The following UBN1 variants were observed in gnomAD, a reference collection of about 807,000 sequenced individuals.
UBN1 encodes ubinuclein-1.
Under a neutral mutation model 108.5 loss-of-function variants are expected in UBN1, and 17 were observed. That is an observed-to-expected ratio of 0.16 (90% CI 0.11 to 0.24). UBN1 has a LOEUF of 0.24. UBN1 is among the 10% of genes least tolerant of loss of function. UBN1 has a pLI of 1.00. For synonymous variants in UBN1, 726 were observed against 564.2 expected (o/e 1.29, Z -4.07); for missense variants, 1,595 against 1,394.4 (o/e 1.14, Z -2.29).
chr16:4,868,755 A>T, intron 7 of UBN1, 78 bp from the exon 8 acceptor site: 2 of 1,409,462 alleles, frequency 1.4e-6, no homozygotes, highest in South Asian at 1.2e-5. Context: ...TGGAGCGATG[A>T]CTCCTGTGCC....
chr16:4,858,734 C>G (rs2086919056), intron 4 of UBN1, 71 bp downstream of exon 4: 10 of 1,488,628 alleles, frequency 6.7e-6, no homozygotes, highest in Middle Eastern at 1.7e-4. Flanking sequence ...GACCAGGAAG[C>G]TGGGGGTGGG....
At position 4,870,385 on chromosome 16, in the gene UBN1, C is replaced by G. The variant is rs375677480; in HGVS notation, c.1311+44C>G. On this transcript the variant is annotated intron_variant, in intron 9 of 17. Coordinates refer to ENST00000262376, the MANE Select transcript of UBN1 (RefSeq NM_001079514.3). ...AAGCCCTTTGGCTTTGGGGTCCTGG[C>G]GGAGGGGTGACTGAGTCTTAAGCAA... 1.2e-4 allele frequency: 198 copies of G among 1,611,516 alleles called. No individual in the cohort carries two copies. In the Middle Eastern group the frequency reaches 1.6e-3, roughly 13 times the overall value.
In UBN1 at chr16:4,860,941, G is replaced by C. The variant is rs2087029870; in HGVS notation, c.949G>C (p.Glu317Gln). ...GGACTCGCTGACGGATTTGGACTTG[G>C]AGCATCTGCTCAGTGAGTCTCCAGA... ...AMDSLTDLDLEHLLSESPEGS... is the reference protein window; with the variant it reads ...AMDSLTDLDLQHLLSESPEGS... The change falls in exon 7 of 18, where the codon GAG becomes CAG. Residue 317 changes from glutamate (E) to glutamine (Q), a missense_variant. Physicochemically the swap from Glu to Gln is conservative, Grantham distance 29 (BLOSUM62 2). Around this residue, in one of 3 missense-constraint regions of UBN1, gnomAD observed 1,398 missense variants for 1,194.7 expected, o/e 1.17. Transcript: ENST00000262376. 6.2e-7 allele frequency: 1 copy of C among 1,614,138 alleles called. No individual in the cohort carries two copies. Among genetic ancestry groups the C allele is most frequent in the East Asian group, 2.2e-5 (1 of 44,896 alleles).
rs555259554 is a variant in UBN1, at chr16:4,849,732, AC to A, written c.-40+1523del. Reference sequence around the variant, plus strand: ...CTCAGCCTCCTTAGTAGCCAAGACTACAGGGGTGTGCCACCATACCTGGCTA... The same window carrying A: ...CTCAGCCTCCTTAGTAGCCAAGACTAAGGGGTGTGCCACCATACCTGGCTA... On this transcript the variant is annotated intron_variant, in intron 1 of 17. Coordinates refer to ENST00000262376, the MANE Select transcript of UBN1 (RefSeq NM_001079514.3). 2.2e-3 allele frequency among the ~76,000 whole-genome samples: 328 copies of A among 151,894 alleles called. 2 individuals are homozygous for A. The highest frequency in any genetic ancestry group is 7.6e-3 in the African/African-American group (313 of 41,398).
rs536893570 is a variant in UBN1, at chr16:4,854,645, C to T, written c.249+1479C>T. Among the ~76,000 whole-genome samples, 5 of 151,686 alleles carry T rather than the reference C, an allele frequency of 3.3e-5. No homozygotes were observed. The East Asian group carries it at 5.8e-4, about 18-fold the overall frequency. On this transcript the variant is annotated intron_variant, in intron 2 of 17. Coordinates refer to ENST00000262376, the MANE Select transcript of UBN1 (RefSeq NM_001079514.3). ...CCTCCCAAAGTGTTAGGATTATAGG[C>T]GTGAGTCACCGCACCTGGCCGTGTT...
Position 4,875,443 on chromosome 16 carries a change from C to T in UBN1, c.3024+9C>T, listed in dbSNP as rs1455015444. On this transcript the variant is annotated intron_variant, in intron 15 of 17. Transcript: ENST00000262376. ...CGTCTACCTCCTTGTCAGTGAGTAT[C>T]TGTCATAGCAGCCTGCCCTGCCCCA... 2.5e-6 allele frequency: 4 copies of T among 1,601,148 alleles called. No homozygotes were observed. Among genetic ancestry groups the T allele is most frequent in the Non-Finnish European group, 3.4e-6 (4 of 1,171,780 alleles).
chr16:4,856,850 A>ATATC (rs1283028947), intron 2 of UBN1, among the ~76,000 whole-genome samples: 2 of 152,234 alleles, frequency 1.3e-5, no homozygotes. Context: ...TGATCGTTAG[A>ATATC]TGTATGCTCT....
chr16:4,877,917 C>T lies in UBN1; in HGVS notation c.3355+443C>T. On this transcript the variant is annotated intron_variant, in intron 17 of 17. Transcript: ENST00000262376. This position sits in a 1 kb window ranked among gnomAD's most constrained non-coding sequence, Gnocchi z 4.3. ...ATGTGATTGCTTAACAGAAGGCTCT[C>T]TAAACTTTGTTTCCATTAAAGGGAA... The T allele has an allele frequency of 1.2e-6, 1 of 860,200 alleles. No homozygotes were observed. Among genetic ancestry groups the T allele is most frequent in the Non-Finnish European group, 1.4e-6 (1 of 715,482 alleles). 53.3% of individuals were successfully genotyped at this position (860,200 alleles called of 1,614,324 possible).
intron 2 of UBN1, among the ~76,000 whole-genome samples, chr16:4,854,727 C>G (rs1284199480): frequency 6.8e-6 from 1 of 147,456 alleles, no homozygotes; most frequent in Non-Finnish European, 1.5e-5. Flanking sequence ...AGGTGAAAAG[C>G]TGTTTTTTTT....
At chr16:4,879,276 CATT>C (rs1321100400) in intron 17 of UBN1, among the ~76,000 whole-genome samples, 8 of 152,102 alleles carry the variant, frequency 5.3e-5, no homozygotes, top group Non-Finnish European at 8.8e-5. Context: ...AAATATGTGT[CATT>C]ATTATGAGTC....
chr16:4,856,678 G>T (rs555741685), intron 2 of UBN1, among the ~76,000 whole-genome samples: 4 of 152,336 alleles, frequency 2.6e-5, no homozygotes, highest in African/African-American at 9.6e-5. Context: ...GTTATTGGAA[G>T]ACTGCTGTTG....
intron 1 of UBN1, among the ~76,000 whole-genome samples, chr16:4,850,011 G>A (rs1214659032): frequency 2.7e-5 from 4 of 149,304 alleles, no homozygotes; most frequent in African/African-American, 5.0e-5. Flanking sequence ...GGCAACTCTC[G>A]TAAGTCTAAT....
At chr16:4,858,528 T>A (rs757452992) in intron 3 of UBN1, 40 bp from the exon 4 acceptor site, 2 of 1,581,436 alleles carry the variant, frequency 1.3e-6, no homozygotes, top group African/African-American at 2.7e-5. Flanking sequence ...TTCTGTGTGT[T>A]TATTCAAAAA....
At chr16:4,860,507 C>T (rs962791054) in intron 6 of UBN1, among the ~76,000 whole-genome samples, 157 bp from the exon 7 acceptor site, 8 of 152,218 alleles carry the variant, frequency 5.3e-5, no homozygotes, top group Non-Finnish European at 1.0e-4. Context: ...TCAGCAAGAA[C>T]GAGCTCCATA....
intron 12 of UBN1, 84 bp from the exon 13 acceptor site, chr16:4,872,800 G>A: frequency 6.7e-7 from 1 of 1,496,768 alleles, no homozygotes; most frequent in Non-Finnish European, 9.3e-7. Context: ...AGCTACTGAG[G>A]ACCAGGGACA....
In UBN1 at chr16:4,881,007, C is replaced by T. The variant is rs1244955919; in HGVS notation, c.*875C>T. ...GCCAGTTTTGAGTTTTTTACACTTG[C>T]ACATCATTATCTGTGCCGTCCTGAC... On this transcript the variant is annotated 3_prime_UTR_variant, in exon 18 of 18. Transcript: ENST00000262376. The T allele has an allele frequency of 1.2e-4, 19 of 152,388 alleles. No homozygotes were observed. The allele number at this position is 152,388 out of a possible 1,614,324, so 9.4% of individuals were successfully genotyped here. A position where few individuals can be genotyped will look rare whatever the true frequency, so the allele number is the denominator to read the frequency against.
chr16:4,878,281 C>T (rs761351958), intron 17 of UBN1, among the ~76,000 whole-genome samples: 2 of 152,102 alleles, frequency 1.3e-5, no homozygotes, highest in Non-Finnish European at 2.9e-5. Context: ...TAGCATTGTT[C>T]CTACTGTAGA....
At chr16:4,859,335 G>A (rs574986975) in intron 5 of UBN1, among the ~76,000 whole-genome samples, 176 bp downstream of exon 5, 1 of 152,312 alleles carries the variant, frequency 6.6e-6, no homozygotes, top group African/African-American at 2.4e-5. Context: ...GAGGACACGT[G>A]CCCGTGGGGG....
chr16:4,866,775 G>A (rs1037022947), intron 7 of UBN1, among the ~76,000 whole-genome samples: 1 of 152,208 alleles, frequency 6.6e-6, no homozygotes, highest in Admixed American at 6.5e-5. Context: ...GCCTCCCAAT[G>A]TGTTAGGATT....
Sources: gnomAD v4.1 joint callset for allele counts (sites outside exome capture counted in the v4.1 genomes callset) on GRCh38, gnomAD v4.1.1 for gene constraint, gnomAD v4.1.1 regional missense constraint, Gnocchi (gnomAD v3.1) non-coding constraint, MANE v1.5 for transcripts, NCBI Gene and HGNC (gene_info 2026-07-23, HGNC 2026-07-21) for gene names.